Variants in L3MBTL4 observed in about 807,000 individuals in gnomAD.
The protein encoded by L3MBTL4 is lethal(3)malignant brain tumor-like protein 4.
Under a neutral mutation model 84.5 loss-of-function variants are expected in L3MBTL4, and 70 were observed. The ratio of observed to expected loss-of-function variants is 0.83; its 90% CI spans 0.68 to 1.01. L3MBTL4 has a LOEUF of 1.01. Ranked by LOEUF, L3MBTL4 falls within the 50% of genes least tolerant of loss-of-function variation. L3MBTL4 has a pLI of 0.00. For synonymous variants in L3MBTL4, 274 were observed against 259.8 expected, an observed-to-expected ratio of 1.05 and a Z score of -0.52; for missense variants, 715 against 754.8, an observed-to-expected ratio of 0.95 and a Z score of 0.62.
intron 13 of L3MBTL4, among the ~76,000 whole-genome samples, chr18:6,151,122 T>G (rs2042876848): frequency 6.6e-6 from 1 of 152,158 alleles, no homozygotes; most frequent in Admixed American, 6.5e-5. Context: ...AGATTGAAGC[T>G]TCCAGATCCC....
chr18:6,161,210 C>T (rs901598130), intron 13 of L3MBTL4, among the ~76,000 whole-genome samples: 3 of 152,154 alleles, frequency 2.0e-5, no homozygotes, highest in Non-Finnish European at 4.4e-5. Flanking sequence ...AGACAAATCG[C>T]GTCCTCATGG....
At chr18:6,293,521 G>T (rs1271168769) in intron 4 of L3MBTL4, among the ~76,000 whole-genome samples, 1 of 151,848 alleles carries the variant, frequency 6.6e-6, no homozygotes. Flanking sequence ...AGTCCATTAA[G>T]AAATAAATAA....
At chr18:6,302,030 T>C (rs2050362448) in intron 3 of L3MBTL4, 73 bp from the exon 4 acceptor site, 2 of 1,229,530 alleles carry the variant, frequency 1.6e-6, no homozygotes, top group Admixed American at 1.7e-5. Flanking sequence ...TAATGTTCCT[T>C]TTTGCAGGAA....
chr18:6,213,897 A>ATTAGT (rs1167832227), intron 11 of L3MBTL4, among the ~76,000 whole-genome samples: 1 of 152,222 alleles, frequency 6.6e-6, no homozygotes, highest in Non-Finnish European at 1.5e-5. Flanking sequence ...CAGTTCCTAT[A>ATTAGT]TTAGTTTAGT....
intron 1 of L3MBTL4, among the ~76,000 whole-genome samples, chr18:6,348,130 T>C: frequency 1.3e-5 from 2 of 151,848 alleles, no homozygotes; most frequent in Middle Eastern, 6.8e-3. Flanking sequence ...AGAACATTAT[T>C]AAGAAAAAAT....
chr18:6,068,027 C>T (rs904315632), intron 16 of L3MBTL4, among the ~76,000 whole-genome samples: 1 of 151,988 alleles, frequency 6.6e-6, no homozygotes, highest in Non-Finnish European at 1.5e-5. Flanking sequence ...TTATTATAGC[C>T]TAATTTGATT....
At chr18:5,961,169 C>T (rs950914334) in intron 17 of L3MBTL4, among the ~76,000 whole-genome samples, 1 of 152,226 alleles carries the variant, frequency 6.6e-6, no homozygotes, top group Non-Finnish European at 1.5e-5. Context: ...CTTCTCCTCT[C>T]CCTGGTTTCA....
intron 1 of L3MBTL4, among the ~76,000 whole-genome samples, chr18:6,391,825 C>T (rs1252087318): frequency 1.3e-5 from 2 of 149,134 alleles, no homozygotes; most frequent in Non-Finnish European, 3.0e-5. Flanking sequence ...ACAAGGATAA[C>T]TGCAAAACAC....
chr18:6,308,882 T>C (rs533998459), intron 3 of L3MBTL4, among the ~76,000 whole-genome samples: 9 of 152,336 alleles, frequency 5.9e-5, no homozygotes, highest in Admixed American at 5.2e-4. Flanking sequence ...ACTGCCTGTC[T>C]GTACTGTTTT....
At chr18:6,019,801 CCAGA>C (rs1378592685) in intron 16 of L3MBTL4, among the ~76,000 whole-genome samples, 1 of 152,198 alleles carries the variant, frequency 6.6e-6, no homozygotes, top group Admixed American at 6.5e-5. Flanking sequence ...CTCATGTCTT[CCAGA>C]CAAAGTTAGC....
chr18:6,389,011 G>A (rs56271301), intron 1 of L3MBTL4, among the ~76,000 whole-genome samples: 1,575 of 152,276 alleles, frequency 0.01, 24 homozygotes, highest in African/African-American at 0.035. Context: ...GGAAACTATC[G>A]TTTGTGATCA....
rs553231703 is a variant in L3MBTL4, at chr18:6,151,559, AT to A, written c.1097-13264del. Among the ~76,000 whole-genome samples, 1,321 of 151,940 alleles carry A rather than the reference AT, an allele frequency of 8.7e-3. 18 individuals carry two copies. Among genetic ancestry groups the A allele is most frequent in the Middle Eastern group, 0.041 (12 of 294 alleles). ...AGGCACGCGCCACCAGGCACGGCTAATTTTTTTGTATTTTTAGTAGAGACGG... is the reference window on the plus strand; with the variant it reads ...AGGCACGCGCCACCAGGCACGGCTAATTTTTTGTATTTTTAGTAGAGACGG... On this transcript the variant is annotated intron_variant, in intron 13 of 18. Coordinates refer to ENST00000317931, the MANE Select transcript of L3MBTL4 (RefSeq NM_001330559.2).
Position 5,981,708 on chromosome 18 carries a change from C to T in L3MBTL4, c.1445-12146G>A, listed in dbSNP as rs746023028. On this transcript the variant is annotated intron_variant, in intron 16 of 18. Transcript: ENST00000317931. ...CTCCTGCTTGTAGTCCCAGCTACTC[C>T]GAAGACACTTGAGTCCAGGAGTTTG... Among the ~76,000 whole-genome samples, 10 of 151,628 alleles carry T rather than the reference C, an allele frequency of 6.6e-5. 1 individual carries two copies. The highest frequency in any genetic ancestry group is 2.2e-4 in the African/African-American group (9 of 41,250).
At chr18:6,293,333 G>C (rs2049951071) in intron 4 of L3MBTL4, among the ~76,000 whole-genome samples, 1 of 152,102 alleles carries the variant, frequency 6.6e-6, no homozygotes, top group African/African-American at 2.4e-5. Context: ...GAGAGTTCAA[G>C]ATAAGCCTAA....
rs1348403886 is a variant in L3MBTL4 at position 6,268,834 on chromosome 18, G to A, written c.128-4796C>T. Among the ~76,000 whole-genome samples the A allele has an allele frequency of 3.9e-5, 6 of 152,114 alleles. No individual in the cohort carries two copies. The South Asian group carries it at 1.0e-3, about 26-fold the overall frequency. ...GGGATATGTGTATGTGTATACGTGT[G>A]TGTGTGTGTGAGCACATATGTGTGA... On this transcript the variant is annotated intron_variant, in intron 4 of 18. Coordinates refer to ENST00000317931, the MANE Select transcript of L3MBTL4 (RefSeq NM_001330559.2).
chr18:5,995,966 C>T (rs564835391), intron 16 of L3MBTL4, among the ~76,000 whole-genome samples: 1 of 152,256 alleles, frequency 6.6e-6, no homozygotes, highest in South Asian at 2.1e-4. Context: ...CCAGTTTGCC[C>T]TGAGAATACT....
At chr18:6,003,071 T>TTCC (rs1567970947) in intron 16 of L3MBTL4, among the ~76,000 whole-genome samples, 1 of 107,620 alleles carries the variant, frequency 9.3e-6, no homozygotes, top group East Asian at 3.7e-4. Flanking sequence ...TCTCTATTTA[T>TTCC]AGAGATACTA....
At position 6,265,232 on chromosome 18, in the gene L3MBTL4, C is replaced by G. The variant is rs376973913; in HGVS notation, c.128-1194G>C. On this transcript the variant is annotated intron_variant, in intron 4 of 18. Coordinates refer to ENST00000317931, the MANE Select transcript of L3MBTL4 (RefSeq NM_001330559.2). ...GCCAGAATTATAAATAATTCCTTCC[C>G]AATTTTCTTTGTGCTTTCTTTTTCT... 2.0e-5 allele frequency among the ~76,000 whole-genome samples: 3 copies of G among 152,104 alleles called. No homozygotes were observed. The East Asian group carries it at 5.8e-4, about 29-fold the overall frequency.
chr18:6,234,370 T>C (rs954721147), intron 10 of L3MBTL4, among the ~76,000 whole-genome samples: 17 of 151,928 alleles, frequency 1.1e-4, no homozygotes, highest in Admixed American at 1.0e-3. Flanking sequence ...ACCATTAGAG[T>C]GAACAGGCAA....
Sources: gnomAD v4.1 joint callset for allele counts (sites outside exome capture counted in the v4.1 genomes callset) on GRCh38, gnomAD v4.1.1 for gene constraint, MANE v1.5 for transcripts, NCBI Gene and HGNC (gene_info 2026-07-23, HGNC 2026-07-21) for gene names.